The following ZNF407 variants were observed in gnomAD, a reference collection of about 807,000 sequenced individuals.
ZNF407 encodes zinc finger protein 407.
Under a neutral mutation model 131.2 loss-of-function variants are expected in ZNF407, and 17 were observed. The ratio of observed to expected loss-of-function variants is 0.13; its 90% CI spans 0.09 to 0.19. ZNF407 has a LOEUF of 0.19. Among genes scored for constraint, ZNF407 ranks in the 10% least tolerant of loss-of-function variants. ZNF407 has a pLI of 1.00. For synonymous variants in ZNF407, 1,156 were observed against 1,062.0 expected (o/e 1.09, Z -1.72); for missense variants, 2,681 against 2,830.6 (o/e 0.95, Z 1.20).
chr18:74,974,223 A>G (rs1227690231), intron 8 of ZNF407, among the ~76,000 whole-genome samples: 1 of 152,212 alleles, frequency 6.6e-6, no homozygotes, highest in African/African-American at 2.4e-5. Flanking sequence ...CTGTCGTATT[A>G]AACAGCTGAC....
At chr18:74,916,692 G>A (rs1022673165) in intron 7 of ZNF407, among the ~76,000 whole-genome samples, 4 of 133,184 alleles carry the variant, frequency 3.0e-5, no homozygotes, top group Non-Finnish European at 6.3e-5. Flanking sequence ...TGCAGCATTC[G>A]TTCGAATCGG....
At chr18:74,968,876 C>T (rs1362984281) in intron 8 of ZNF407, among the ~76,000 whole-genome samples, 1 of 152,122 alleles carries the variant, frequency 6.6e-6, no homozygotes, top group Non-Finnish European at 1.5e-5. Flanking sequence ...AGCCCCTCCT[C>T]CTCCTTTCGA....
chr18:74,695,722 C>T (rs1187591687), intron 3 of ZNF407, among the ~76,000 whole-genome samples: 1 of 152,070 alleles, frequency 6.6e-6, no homozygotes, highest in Admixed American at 6.5e-5. Flanking sequence ...TTAGCCTTCA[C>T]GAAAACACAC....
chr18:75,038,988 C>T (rs1014005491), intron 8 of ZNF407, among the ~76,000 whole-genome samples: 1 of 152,198 alleles, frequency 6.6e-6, no homozygotes, highest in Non-Finnish European at 1.5e-5. Context: ...GCCAGCTAGA[C>T]GGATCTGAAT....
chr18:74,805,193 T>C (rs1306311863), intron 4 of ZNF407, among the ~76,000 whole-genome samples: 1 of 152,258 alleles, frequency 6.6e-6, no homozygotes, highest in Non-Finnish European at 1.5e-5. Context: ...CTTTTTCTTT[T>C]TACTTGGGCT....
chr18:74,780,813 A>G (rs949103625), intron 3 of ZNF407, among the ~76,000 whole-genome samples: 1 of 152,190 alleles, frequency 6.6e-6, no homozygotes, highest in African/African-American at 2.4e-5. Context: ...ATTTATGTCA[A>G]CAAAATTGAA....
intron 4 of ZNF407, among the ~76,000 whole-genome samples, chr18:74,791,167 G>A (rs1227442096): frequency 6.6e-6 from 1 of 152,144 alleles, no homozygotes; most frequent in East Asian, 1.9e-4. Context: ...ATGTCTGACT[G>A]TCATTTCCGT....
At chr18:74,644,157 A>G (rs12953637) in intron 3 of ZNF407, among the ~76,000 whole-genome samples, 21,728 of 148,146 alleles carry the variant, frequency 0.15, 1,629 homozygotes, top group Non-Finnish European at 0.17. Context: ...CATTTATTTT[A>G]CTTTCACTTT....
intron 3 of ZNF407, among the ~76,000 whole-genome samples, chr18:74,649,700 C>G (rs535292337): frequency 6.6e-6 from 1 of 152,140 alleles, no homozygotes; most frequent in Non-Finnish European, 1.5e-5. Context: ...TTGTGACTCT[C>G]GGGTCAGGGC....
At chr18:74,605,594 A>G (rs544925167) in intron 1 of ZNF407, among the ~76,000 whole-genome samples, 2 of 152,348 alleles carry the variant, frequency 1.3e-5, no homozygotes, top group East Asian at 3.9e-4. Context: ...TTCCTCATAC[A>G]TAGCAGTTAA....
At chr18:74,882,654 T>C (rs1438284494) in intron 6 of ZNF407, among the ~76,000 whole-genome samples, 1 of 152,166 alleles carries the variant, frequency 6.6e-6, no homozygotes, top group African/African-American at 2.4e-5. Flanking sequence ...TAGCACAATG[T>C]TGGAAACATA....
chr18:74,733,960 T>G (rs910272929), intron 3 of ZNF407, among the ~76,000 whole-genome samples: 1 of 152,168 alleles, frequency 6.6e-6, no homozygotes, highest in Non-Finnish European at 1.5e-5. Flanking sequence ...TGAGAAGCCT[T>G]AGGCCCTTCA....
intron 8 of ZNF407, among the ~76,000 whole-genome samples, chr18:74,986,054 C>T (rs992417636): frequency 1.3e-5 from 2 of 152,204 alleles, no homozygotes; most frequent in African/African-American, 2.4e-5. Context: ...CCTGTGTGAA[C>T]ATACAGCATT....
At position 74,857,179 on chromosome 18, in the gene ZNF407, A is replaced by G. The variant is rs550207627; in HGVS notation, c.4878-20018A>G. 5.3e-5 allele frequency among the ~76,000 whole-genome samples: 8 copies of G among 152,312 alleles called. 1 individual carries two copies. In the South Asian group the frequency reaches 1.7e-3, roughly 32 times the overall value. The stretch of plus-strand genomic sequence containing the variant: ...TTAAACCAATTACAGCGTTTCATGT[A>G]CACCAGCAGCAATGACTATTCACAG... On this transcript the variant is annotated intron_variant, in intron 4 of 8. Coordinates refer to ENST00000299687, the MANE Select transcript of ZNF407 (RefSeq NM_017757.3).
intron 4 of ZNF407, among the ~76,000 whole-genome samples, chr18:74,850,371 T>G (rs1031358009): frequency 6.6e-6 from 1 of 152,194 alleles, no homozygotes; most frequent in Non-Finnish European, 1.5e-5. Context: ...TTCTTCAGCT[T>G]TAGTATATAG....
intron 3 of ZNF407, among the ~76,000 whole-genome samples, chr18:74,650,935 GTCTA>G (rs56006965): frequency 1.1e-4 from 17 of 151,786 alleles, no homozygotes; most frequent in South Asian, 2.1e-4. Flanking sequence ...GTGTGTGTGT[GTCTA>G]TCTATCTATC....
intron 8 of ZNF407, among the ~76,000 whole-genome samples, chr18:75,000,297 T>C (rs140385007): frequency 6.6e-6 from 1 of 152,338 alleles, no homozygotes; most frequent in African/African-American, 2.4e-5. Context: ...TTAAATAACA[T>C]GCTACAGTCC....
chr18:75,005,978 G>C (rs968554990), intron 8 of ZNF407, among the ~76,000 whole-genome samples: 4 of 152,028 alleles, frequency 2.6e-5, no homozygotes, highest in Non-Finnish European at 4.4e-5. Context: ...CTTTTTAGAA[G>C]GATTTCCATT....
chr18:74,688,519 G>T (rs1231322098), intron 3 of ZNF407, among the ~76,000 whole-genome samples: 1 of 152,146 alleles, frequency 6.6e-6, no homozygotes, highest in African/African-American at 2.4e-5. Flanking sequence ...TGGAAGAGCA[G>T]AAATTCTTAA....
Sources: allele counts gnomAD v4.1 joint callset (sites outside exome capture counted in the v4.1 genomes callset), GRCh38; gene constraint gnomAD v4.1.1; transcripts MANE v1.5; gene names NCBI Gene and HGNC (gene_info 2026-07-23, HGNC 2026-07-21).